Variants in CDHR3 observed in about 807,000 individuals in gnomAD.
The protein encoded by CDHR3 is cadherin related family member 3.
In CDHR3, 79 loss-of-function variants were observed where a neutral mutation model predicts 86.6. That is an observed-to-expected ratio of 0.91 (90% CI 0.76 to 1.10). The LOEUF (loss-of-function observed/expected upper bound fraction) is 1.10, where lower values mean the gene tolerates loss of function less well. CDHR3 is among the 50% of genes least tolerant of loss of function. The pLI is 0.00. For missense variants in CDHR3, 1,081 were observed against 1,077.6 expected (o/e 1.00, Z -0.04); for synonymous variants, 421 against 402.4 (o/e 1.05, Z -0.55).
rs1831308816 is a variant in CDHR3, at chr7:105,991,249, CT to C, written c.514-3500del. ...GAAAATGCCAGGTTTTACAGAGAGCCTTGCTGAGTCGCTGGCAAATGGCCAC... is the reference window on the plus strand; with the variant it reads ...GAAAATGCCAGGTTTTACAGAGAGCCTGCTGAGTCGCTGGCAAATGGCCAC... On this transcript the variant is annotated intron_variant, in intron 4 of 18. Transcript: ENST00000317716. Among the ~76,000 whole-genome samples the C allele has an allele frequency of 2.6e-5, 4 of 152,274 alleles. No individual in the cohort carries two copies. In the South Asian group the frequency reaches 8.3e-4, roughly 32 times the overall value.
intron 1 of CDHR3, among the ~76,000 whole-genome samples, chr7:105,972,067 A>G (rs889319646): frequency 6.6e-6 from 1 of 152,154 alleles, no homozygotes; most frequent in African/African-American, 2.4e-5. Flanking sequence ...AGATACCATG[A>G]GCCAGGGCCC....
At chr7:105,994,955 C>T in intron 5 of CDHR3, 110 bp downstream of exon 5, 7 of 795,190 alleles carry the variant, frequency 8.8e-6, no homozygotes, top group Non-Finnish European at 1.3e-5. Flanking sequence ...GCCCCTTGAG[C>T]AGTCTACAGC....
intron 16 of CDHR3, 71 bp downstream of exon 16, chr7:106,026,766 T>C: frequency 6.6e-7 from 1 of 1,516,974 alleles, no homozygotes; most frequent in Non-Finnish European, 9.2e-7. Context: ...AAAAGGTTCC[T>C]ACTCGGCAAA....
Position 106,026,774 on chromosome 7 carries a change from A to C in CDHR3, c.2272+79A>C, listed in dbSNP as rs1837415885. The C allele has an allele frequency of 1.2e-5, 18 of 1,446,154 alleles. No homozygotes were observed. The South Asian group carries it at 1.9e-4, about 16-fold the overall frequency. The allele number at this position is 1,446,154 out of a possible 1,614,324, so 89.6% of individuals were successfully genotyped here. On this transcript the variant is annotated intron_variant, in intron 16 of 18. Transcript: ENST00000317716. ...CTACGTAAAAAGGTTCCTACTCGGC[A>C]AAGAATCAGGCCGCGATCACATCTT...
chr7:106,021,722 A>G (rs962749040), intron 13 of CDHR3, among the ~76,000 whole-genome samples: 4 of 152,342 alleles, frequency 2.6e-5, no homozygotes, highest in Middle Eastern at 3.4e-3. Flanking sequence ...AGCCATAACC[A>G]GTGTGACCCA....
chr7:106,027,181 G>A (rs977687927), intron 16 of CDHR3, among the ~76,000 whole-genome samples: 7 of 152,092 alleles, frequency 4.6e-5, no homozygotes, highest in African/African-American at 1.2e-4. Context: ...TGGATCACAA[G>A]GTCAGGAGTT....
intron 8 of CDHR3, among the ~76,000 whole-genome samples, chr7:106,011,189 G>A (rs868864761): frequency 2.0e-5 from 3 of 152,124 alleles, no homozygotes; most frequent in East Asian, 1.9e-4. Flanking sequence ...AAGAAAAGCC[G>A]CAAATTCCTC....
Position 106,032,950 on chromosome 7 carries a change from C to T in CDHR3, c.*253C>T, listed in dbSNP as rs1838598642. 1 of 487,586 alleles carries T rather than the reference C, an allele frequency of 2.1e-6. No individual in the cohort carries two copies. The highest frequency in any genetic ancestry group is 1.9e-5 in the African/African-American group (1 of 52,332). The allele number at this position is 487,586 out of a possible 1,614,324, so 30.2% of individuals were successfully genotyped here. On this transcript the variant is annotated 3_prime_UTR_variant, in exon 19 of 19. Transcript: ENST00000317716. ...CTACCTGTGCTTCTGATAAGCAAGA[C>T]TGTTAACTTTGGGGTGTGGAATTGT...
chr7:105,963,464 G>C, intron 1 of CDHR3, 100 bp downstream of exon 1: 1 of 1,303,546 alleles, frequency 7.7e-7, no homozygotes, highest in South Asian at 1.2e-5. Flanking sequence ...CCCCTGGGAG[G>C]CTTGTTCAAT....
At chr7:106,011,313 G>A (rs998035327) in intron 8 of CDHR3, among the ~76,000 whole-genome samples, 1 of 152,180 alleles carries the variant, frequency 6.6e-6, no homozygotes, top group African/African-American at 2.4e-5. Flanking sequence ...GACCACTGGA[G>A]CATTCACAAA....
Position 106,009,256 on chromosome 7 carries a change from AG to A in CDHR3, c.1053-3601del, listed in dbSNP as rs569807622. On this transcript the variant is annotated intron_variant, in intron 8 of 18. Coordinates refer to ENST00000317716, the MANE Select transcript of CDHR3 (RefSeq NM_152750.5). ...CCCTATGAACGCCAAGATGTGAGGAAGGGCAACGAAAGGGACCCCTCCTCTG... is the reference window on the plus strand; with the variant it reads ...CCCTATGAACGCCAAGATGTGAGGAAGGCAACGAAAGGGACCCCTCCTCTG... Among the ~76,000 whole-genome samples, 24 of 152,250 alleles carry A rather than the reference AG, an allele frequency of 1.6e-4. No individual in the cohort carries two copies. In the East Asian group the frequency reaches 4.3e-3, roughly 27 times the overall value.
chr7:106,031,573 C>CGCT (rs942533751), intron 18 of CDHR3, among the ~76,000 whole-genome samples: 45 of 152,296 alleles, frequency 3.0e-4, no homozygotes, highest in South Asian at 1.7e-3. Flanking sequence ...CTGCCGCCGC[C>CGCT]GCTGCTGCTG....
intron 8 of CDHR3, among the ~76,000 whole-genome samples, chr7:106,010,001 G>T (rs1834551220): frequency 6.6e-6 from 1 of 152,196 alleles, no homozygotes; most frequent in South Asian, 2.1e-4. Context: ...TAGGCGTTTA[G>T]GGGAAGAATA....
At position 106,013,744 on chromosome 7, in the gene CDHR3, C is replaced by G. The variant is rs187104802; in HGVS notation, c.1224+713C>G. The stretch of plus-strand genomic sequence containing the variant: ...GCCCTTCTTCAATCCCCAAGAACAT[C>G]TCACCCAGTTTATTCATAGTACCAT... On this transcript the variant is annotated intron_variant, in intron 9 of 18. Transcript: ENST00000317716. Among the ~76,000 whole-genome samples the G allele has an allele frequency of 4.1e-4, 62 of 152,268 alleles. 1 individual carries two copies. Among genetic ancestry groups the G allele is most frequent in the Admixed American group, 1.2e-3 (19 of 15,308 alleles).
chr7:105,967,838 G>A (rs553927867), intron 1 of CDHR3, among the ~76,000 whole-genome samples: 239 of 151,932 alleles, frequency 1.6e-3, no homozygotes, highest in African/African-American at 5.6e-3. Flanking sequence ...TTAGTTCTTT[G>A]TAGATTCTGG....
intron 8 of CDHR3, among the ~76,000 whole-genome samples, chr7:106,006,318 C>T: frequency 6.6e-6 from 1 of 152,210 alleles, no homozygotes; most frequent in Admixed American, 6.5e-5. Context: ...CACGTTCTCA[C>T]ATTTCAAAAC....
chr7:106,032,548 A>G lies in CDHR3; in HGVS notation c.2509A>G (p.Asn837Asp). 1 of 1,613,990 alleles carries G rather than the reference A, an allele frequency of 6.2e-7. No homozygotes were observed. Among genetic ancestry groups the G allele is most frequent in the South Asian group, 1.1e-5 (1 of 91,080 alleles). Residue 837 changes from asparagine to aspartate, a missense_variant, in exon 19 of 19, where the codon AAC (asparagine) becomes GAC (aspartate). Coordinates refer to ENST00000317716, the MANE Select transcript of CDHR3 (RefSeq NM_152750.5). ...AGGGATGGGGTCACTGAGAAGTGCCAACTGGGAAGAAGATGAGCTGAGTGG... is the reference window on the plus strand; with the variant it reads ...AGGGATGGGGTCACTGAGAAGTGCCGACTGGGAAGAAGATGAGCTGAGTGG... Reference protein sequence around the residue: ...GEGMGSLRSANWEEDELSGKA... With the variant: ...GEGMGSLRSADWEEDELSGKA...
intron 3 of CDHR3, among the ~76,000 whole-genome samples, chr7:105,981,780 C>T (rs1036183659): frequency 5.9e-5 from 9 of 152,044 alleles, no homozygotes; most frequent in Non-Finnish European, 1.0e-4. Context: ...TCTCCACCCT[C>T]CACCCCCACC....
At chr7:105,995,514 C>T (rs979466397) in intron 5 of CDHR3, among the ~76,000 whole-genome samples, 1 of 152,120 alleles carries the variant, frequency 6.6e-6, no homozygotes, top group East Asian at 1.9e-4. Context: ...GTGCTGATTA[C>T]AAGTGACAGC....
Sources: allele counts gnomAD v4.1 joint callset (sites outside exome capture counted in the v4.1 genomes callset), GRCh38; gene constraint gnomAD v4.1.1; transcripts MANE v1.5; gene names NCBI Gene and HGNC (gene_info 2026-07-23, HGNC 2026-07-21).